BCL7C: variants seen among roughly 807,000 people sequenced by gnomAD.
BCL7C encodes BAF chromatin remodeling complex subunit BCL7C.
A neutral mutation model predicts 26.2 loss-of-function variants in BCL7C; 8 were observed. That is an observed-to-expected ratio of 0.30 (90% CI 0.18 to 0.55). The LOEUF is 0.55. Ranked by LOEUF, BCL7C falls within the 20% of genes least tolerant of loss-of-function variation. The pLI, the probability that BCL7C is intolerant of heterozygous loss-of-function variation, is 0.93. For synonymous variants in BCL7C, 90 were observed against 116.5 expected, an observed-to-expected ratio of 0.77 and a Z score of 1.47; for missense variants, 262 against 298.5, an observed-to-expected ratio of 0.88 and a Z score of 0.90.
At chr16:30,882,880 G>C (rs11864437), downstream of BCL7C, among the ~76,000 whole-genome samples, 1,608 of 152,316 alleles carry the variant, frequency 0.011, 19 homozygotes, top group African/African-American at 0.035. Context: ...ACAGGACGTG[G>C]TGGTTCCTGG....
chr16:30,879,985 G>T (rs1313605625), intron 5 of BCL7C, among the ~76,000 whole-genome samples: 1 of 139,168 alleles, frequency 7.2e-6, no homozygotes, highest in Non-Finnish European at 1.6e-5. Context: ...GCGTGATTCC[G>T]TCTCAAAAAA....
intron 5 of BCL7C, among the ~76,000 whole-genome samples, chr16:30,840,223 T>G (rs954455362): frequency 6.7e-6 from 1 of 149,020 alleles, no homozygotes; most frequent in East Asian, 1.9e-4. Context: ...TGTTTTTTTT[T>G]TTTTTTTTTT....
intron 5 of BCL7C, among the ~76,000 whole-genome samples, chr16:30,881,186 C>T (rs906953846): frequency 6.6e-6 from 1 of 152,096 alleles, no homozygotes; most frequent in South Asian, 2.1e-4. Context: ...CACCTGAGGT[C>T]AGGAGTTCAA....
At chr16:30,859,638 C>T (rs1596593053) in intron 5 of BCL7C, among the ~76,000 whole-genome samples, 1 of 152,218 alleles carries the variant, frequency 6.6e-6, no homozygotes, top group Non-Finnish European at 1.5e-5. Flanking sequence ...CCCTCCCCAC[C>T]TTTAAGAAGG....
intron 5 of BCL7C, chr16:30,840,591 G>A (rs568892212): frequency 6.6e-6 from 1 of 152,270 alleles, no homozygotes; most frequent in East Asian, 1.9e-4. Context: ...GGGTAAACAT[G>A]GTCCAGAACT....
At chr16:30,870,893 G>T (rs1225779981) in intron 5 of BCL7C, among the ~76,000 whole-genome samples, 2 of 152,204 alleles carry the variant, frequency 1.3e-5, no homozygotes, top group Non-Finnish European at 2.9e-5. Flanking sequence ...TTCACTAGCT[G>T]TGTGCCCCTG....
intron 5 of BCL7C, among the ~76,000 whole-genome samples, chr16:30,858,948 G>T (rs986006531): frequency 6.6e-6 from 1 of 152,184 alleles, no homozygotes; most frequent in Non-Finnish European, 1.5e-5. Context: ...ATAAGGGAAC[G>T]AGAATCCTCT....
At chr16:30,868,800 A>T (rs974418180) in intron 5 of BCL7C, among the ~76,000 whole-genome samples, 2 of 152,048 alleles carry the variant, frequency 1.3e-5, no homozygotes, top group African/African-American at 4.8e-5. Context: ...AAAACAAAAA[A>T]CAACAGCAAC....
rs1567308945 is a variant in BCL7C at position 30,847,586 on chromosome 16, AG to A, written c.529-12439del. 2.0e-5 allele frequency among the ~76,000 whole-genome samples: 3 copies of A among 152,314 alleles called. No individual in the cohort carries two copies. The South Asian group carries it at 6.2e-4, about 32-fold the overall frequency. On this transcript the variant is annotated intron_variant, in intron 5 of 5. Coordinates refer to the BCL7C transcript ENST00000380317. ...CAAGGCGGGTGGATCACCTAAGGTC[AG>A]GAGTTCAAGACCAGCCTGTCCAACA... is the stretch of plus-strand genomic sequence containing the variant.
chr16:30,860,940 C>T (rs1454910670), intron 5 of BCL7C, among the ~76,000 whole-genome samples: 1 of 152,158 alleles, frequency 6.6e-6, no homozygotes, highest in African/African-American at 2.4e-5. Context: ...CACCTCCCCT[C>T]CTCACACCCG....
At chr16:30,865,172 CAAAAA>C (rs529882511) in intron 5 of BCL7C, among the ~76,000 whole-genome samples, 2 of 40,834 alleles carry the variant, frequency 4.9e-5, no homozygotes, top group African/African-American at 1.9e-4. Context: ...ACCTCCAACT[CAAAAA>C]AAAAAAAAAA....
intron 5 of BCL7C, among the ~76,000 whole-genome samples, chr16:30,869,143 G>C (rs915154887): frequency 1.3e-5 from 2 of 152,098 alleles, no homozygotes; most frequent in African/African-American, 4.8e-5. Context: ...GGCCAGAGTC[G>C]TAGTTCCAGC....
chr16:30,839,330 G>A (rs117557155), intron 5 of BCL7C, among the ~76,000 whole-genome samples: 7 of 152,302 alleles, frequency 4.6e-5, no homozygotes, highest in Non-Finnish European at 8.8e-5. Context: ...CGCAGGGTCT[G>A]GGGCAAAGAG....
In BCL7C at chr16:30,853,139, T is replaced by C. The variant is rs185969607; in HGVS notation, c.529-17991A>G. On this transcript the variant is annotated intron_variant, in intron 5 of 5. Coordinates refer to the BCL7C transcript ENST00000380317. ...TTTCAGTAGAGACGGGGTTTCTCCATGTTGGTCAGGCTGGTCTCGAACTCC... is the reference window on the plus strand; with the variant it reads ...TTTCAGTAGAGACGGGGTTTCTCCACGTTGGTCAGGCTGGTCTCGAACTCC... Among the ~76,000 whole-genome samples the C allele has an allele frequency of 5.7e-4, 86 of 152,064 alleles. No homozygotes were observed. The East Asian group carries it at 0.016, about 28-fold the overall frequency.
chr16:30,878,526 G>A (rs750045298), intron 5 of BCL7C, among the ~76,000 whole-genome samples: 3 of 150,070 alleles, frequency 2.0e-5, no homozygotes, highest in Non-Finnish European at 4.4e-5. Context: ...GCGACAGAGC[G>A]AGACTCTATT....
At chr16:30,848,743 T>A (rs2054651161) in intron 5 of BCL7C, among the ~76,000 whole-genome samples, 2 of 151,488 alleles carry the variant, frequency 1.3e-5, no homozygotes, top group African/African-American at 2.4e-5. Context: ...TACAAAAAAA[T>A]TCTAGCTGAG....
chr16:30,869,977 C>A (rs56083427), intron 5 of BCL7C, among the ~76,000 whole-genome samples: 1 of 152,098 alleles, frequency 6.6e-6, no homozygotes, highest in African/African-American at 2.4e-5. Context: ...AGTAGGGCAG[C>A]GGCTAAAAGC....
downstream of BCL7C, chr16:30,887,772 C>A: frequency 6.7e-7 from 1 of 1,490,504 alleles, no homozygotes; most frequent in Non-Finnish European, 8.9e-7. Flanking sequence ...CCAGCCCTGA[C>A]GGGGAAATGA....
chr16:30,866,315 G>A (rs4889631), intron 5 of BCL7C, among the ~76,000 whole-genome samples: 117,768 of 152,036 alleles, frequency 0.77, 46,221 homozygotes, highest in Middle Eastern at 0.88. Flanking sequence ...GGTGGTTCAC[G>A]CCTGTAATTG....
Sources: allele counts gnomAD v4.1 joint callset (sites outside exome capture counted in the v4.1 genomes callset), GRCh38; gene constraint gnomAD v4.1.1; transcripts MANE v1.5; gene names NCBI Gene and HGNC (gene_info 2026-07-23, HGNC 2026-07-21).